The following ATXN1 variants were observed in gnomAD, a reference collection of about 807,000 sequenced individuals.
ATXN1 encodes ataxin 1.
A neutral mutation model predicts 56.4 loss-of-function variants in ATXN1; 8 were observed. The observed-to-expected ratio is 0.14, with a 90% CI of 0.08 to 0.26. ATXN1 has a LOEUF of 0.26. ATXN1 is among the 10% of genes least tolerant of loss of function. The pLI, the probability that ATXN1 is intolerant of heterozygous loss-of-function variation, is 1.00. For synonymous variants in ATXN1, 514 were observed against 494.6 expected (o/e 1.04, Z -0.52); for missense variants, 987 against 1,106.5 (o/e 0.89, Z 1.53).
intron 7 of ATXN1, among the ~76,000 whole-genome samples, chr6:16,325,178 C>T (rs370053349): frequency 2.0e-5 from 3 of 151,504 alleles, no homozygotes; most frequent in East Asian, 3.9e-4. Context: ...AGTGCAGTGG[C>T]CTGATCTCGG....
At position 16,300,219 on chromosome 6, in the gene ATXN1, T is replaced by C. The variant is rs1760050013; in HGVS notation, c.*6110A>G. 6.6e-6 allele frequency: 1 copy of C among 152,644 alleles called. No individual in the cohort carries two copies. Among genetic ancestry groups the C allele is most frequent in the African/African-American group, 2.4e-5 (1 of 41,444 alleles). 9.5% of individuals were successfully genotyped at this position (152,644 alleles called of 1,614,324 possible). Reference sequence around the variant, plus strand: ...TCTGCAGTGGAAGACTTGAGTCCTTTCAGATAAGAAAAGTTATGGAAATTC... The same window carrying C: ...TCTGCAGTGGAAGACTTGAGTCCTTCCAGATAAGAAAAGTTATGGAAATTC... On this transcript the variant is annotated 3_prime_UTR_variant, in exon 8 of 8. Transcript: ENST00000436367.
chr6:16,589,340 C>T (rs1581865613), intron 3 of ATXN1, among the ~76,000 whole-genome samples: 1 of 152,034 alleles, frequency 6.6e-6, no homozygotes, highest in Non-Finnish European at 1.5e-5. Flanking sequence ...GAGTTTCGTA[C>T]AGCAGCGTGG....
intron 6 of ATXN1, chr6:16,485,030 T>C (rs1760516997): frequency 6.6e-6 from 1 of 151,534 alleles, no homozygotes; most frequent in Non-Finnish European, 1.5e-5. Flanking sequence ...TATACATATA[T>C]ATTACAGAAA....
intron 6 of ATXN1, among the ~76,000 whole-genome samples, chr6:16,402,799 G>A (rs180994017): frequency 2.2e-3 from 336 of 152,340 alleles, no homozygotes; most frequent in South Asian, 5.8e-3. Flanking sequence ...GAAAAGGCCA[G>A]AGGGCAAGGC....
chr6:16,640,121 T>C (rs1561790142), intron 3 of ATXN1, among the ~76,000 whole-genome samples: 1 of 152,192 alleles, frequency 6.6e-6, no homozygotes. Flanking sequence ...TCCACCAGCA[T>C]CACCTCTCCA....
intron 6 of ATXN1, among the ~76,000 whole-genome samples, chr6:16,368,425 T>C (rs1205034298): frequency 2.1e-5 from 3 of 143,788 alleles, no homozygotes; most frequent in African/African-American, 7.5e-5. Flanking sequence ...GAGGTCATAA[T>C]AGACTTCATT....
chr6:16,741,735 T>G (rs991838188), intron 2 of ATXN1, among the ~76,000 whole-genome samples: 3 of 152,232 alleles, frequency 2.0e-5, no homozygotes, highest in Non-Finnish European at 4.4e-5. Flanking sequence ...TTCAAGGTCC[T>G]ACTCAGAAAG....
At chr6:16,492,434 A>G (rs2113664030) in intron 5 of ATXN1, among the ~76,000 whole-genome samples, 1 of 152,202 alleles carries the variant, frequency 6.6e-6, no homozygotes, top group Non-Finnish European at 1.5e-5. Context: ...TAATAATAAC[A>G]TAAAAAATAA....
intron 4 of ATXN1, among the ~76,000 whole-genome samples, chr6:16,568,333 A>G (rs1762266908): frequency 6.6e-6 from 1 of 152,240 alleles, no homozygotes; most frequent in South Asian, 2.1e-4. Context: ...AGAGAAGTAC[A>G]CATAAGTCAA....
At position 16,440,648 on chromosome 6, in the gene ATXN1, A is replaced by G. The variant is rs10949357; in HGVS notation, c.-161+45324T>C. Reference sequence around the variant, plus strand: ...AGAGTGAGACCCTGTCTTAAAAAAAAAAAAGAAAAGAAAAGAAAAAATTAA... The same window carrying G: ...AGAGTGAGACCCTGTCTTAAAAAAAGAAAAGAAAAGAAAAGAAAAAATTAA... On this transcript the variant is annotated intron_variant, in intron 6 of 7. Transcript: ENST00000436367. Among the ~76,000 whole-genome samples the G allele has an allele frequency of 2.1e-3, 249 of 118,570 alleles. 26 individuals carry two copies. The highest frequency in any genetic ancestry group is 7.7e-3 in the African/African-American group (216 of 28,056). 77.8% of individuals were successfully genotyped at this position (118,570 alleles called of 152,430 possible). A position where few individuals can be genotyped will look rare whatever the true frequency, so the allele number is the denominator to read the frequency against.
In ATXN1 at chr6:16,753,236, A is replaced by G; in HGVS notation, c.-618T>C. 2.2e-6 allele frequency: 1 copy of G among 456,648 alleles called. No homozygotes were observed. The highest frequency in any genetic ancestry group is 4.4e-6 in the Non-Finnish European group (1 of 226,986). The allele number at this position is 456,648 out of a possible 1,614,324, so 28.3% of individuals were successfully genotyped here. A position where few individuals can be genotyped will look rare whatever the true frequency, so the allele number is the denominator to read the frequency against. On this transcript the variant is annotated 5_prime_UTR_variant, in exon 2 of 8. Transcript: ENST00000436367. ...GAGAGCATCGCAAAACTCTCACCTG[A>G]CATGTGATGCACTTCCCTGTAGTGG...
At chr6:16,641,281 G>A (rs1284022616) in intron 3 of ATXN1, among the ~76,000 whole-genome samples, 3 of 152,188 alleles carry the variant, frequency 2.0e-5, no homozygotes, top group Non-Finnish European at 2.9e-5. Flanking sequence ...GCCTTCTATT[G>A]GAAGAAAATG....
intron 3 of ATXN1, among the ~76,000 whole-genome samples, chr6:16,632,616 G>A (rs534248964): frequency 3.5e-4 from 53 of 152,148 alleles, no homozygotes; most frequent in Non-Finnish European, 1.0e-4. Flanking sequence ...TCAAGATGTG[G>A]CCCCACCAGT....
At chr6:16,626,125 A>ATATG in intron 3 of ATXN1, among the ~76,000 whole-genome samples, 1 of 152,210 alleles carries the variant, frequency 6.6e-6, no homozygotes, top group African/African-American at 2.4e-5. Context: ...GCCTAGTACA[A>ATATG]CGCCTGACAC....
intron 5 of ATXN1, among the ~76,000 whole-genome samples, chr6:16,500,775 C>A (rs925891615): frequency 6.8e-6 from 1 of 147,774 alleles, no homozygotes; most frequent in Non-Finnish European, 1.5e-5. Context: ...GAGGAAACTA[C>A]CAATTCATTC....
At chr6:16,350,895 T>A (rs1199259004) in intron 6 of ATXN1, among the ~76,000 whole-genome samples, 1 of 152,098 alleles carries the variant, frequency 6.6e-6, no homozygotes, top group Non-Finnish European at 1.5e-5. Context: ...CCAGCCTGGG[T>A]AACAAAGTGA....
At chr6:16,475,519 AT>A (rs1218967222) in intron 6 of ATXN1, among the ~76,000 whole-genome samples, 4 of 152,242 alleles carry the variant, frequency 2.6e-5, no homozygotes, top group Non-Finnish European at 4.4e-5. Flanking sequence ...TTAACAGGTC[AT>A]CAGGGTAGGT....
intron 3 of ATXN1, among the ~76,000 whole-genome samples, chr6:16,605,181 G>A (rs573562897): frequency 1.3e-5 from 2 of 152,334 alleles, no homozygotes; most frequent in South Asian, 4.1e-4. Flanking sequence ...CATGAACTAC[G>A]TATCCGATTG....
chr6:16,677,745 C>T (rs946802350), intron 2 of ATXN1, among the ~76,000 whole-genome samples: 4 of 152,176 alleles, frequency 2.6e-5, no homozygotes, highest in African/African-American at 7.2e-5. Flanking sequence ...ATGTCTTTCA[C>T]GGGATGACTA....
Sources: gnomAD v4.1 joint callset for allele counts (sites outside exome capture counted in the v4.1 genomes callset) on GRCh38, gnomAD v4.1.1 for gene constraint, MANE v1.5 for transcripts, NCBI Gene and HGNC (gene_info 2026-07-23, HGNC 2026-07-21) for gene names.